The following CXCR5 variants were observed in gnomAD, a reference collection of about 807,000 sequenced individuals.
The protein encoded by CXCR5 is C-X-C chemokine receptor type 5.
CXCR5 carries 3 observed loss-of-function variants against 5.6 expected under a neutral mutation model. The observed-to-expected ratio is 0.54, with a 90% CI of 0.24 to 1.39. The LOEUF is 1.39. Among genes scored for constraint, CXCR5 ranks in the 40% most tolerant of loss-of-function variants. CXCR5 has a pLI of 0.16. For missense variants in CXCR5, 333 were observed against 494.6 expected (o/e 0.67, Z 3.10); for synonymous variants, 218 against 219.9 (o/e 0.99, Z 0.08).
In CXCR5 at chr11:118,886,778, C is replaced by T. The variant is rs536631323; in HGVS notation, c.51+2786C>T. On this transcript the variant is annotated intron_variant, in intron 1 of 1. Transcript: ENST00000292174. Reference sequence around the variant, plus strand: ...CAGCCGGGAGGGGAAGCTGCTATAGCGCACGGTGAAGCTGGTCCAAGCCCC... The same window carrying T: ...CAGCCGGGAGGGGAAGCTGCTATAGTGCACGGTGAAGCTGGTCCAAGCCCC... 438 of 191,718 alleles carry T rather than the reference C, an allele frequency of 2.3e-3. 2 individuals are homozygous for T. The South Asian group carries it at 0.036, about 16-fold the overall frequency. 11.9% of individuals were successfully genotyped at this position (191,718 alleles called of 1,614,324 possible).
Position 118,893,923 on chromosome 11 carries a change from G to A in CXCR5, c.379G>A (p.Ala127Thr), listed in dbSNP as rs1689154429. The change falls in exon 2 of 2, where the codon GCC becomes ACC. Residue 127 changes from alanine to threonine, a missense_variant. Physicochemically the swap from Ala to Thr is moderately conservative, Grantham distance 58 (BLOSUM62 0). Transcript: ENST00000292174. This position sits in a 1 kb window ranked among gnomAD's most constrained non-coding sequence, Gnocchi z 5.7. ...GACCTTCCTCTGCAAAACTGTGATT[G>A]CCCTGCACAAAGTCAACTTCTACTG... ...LGTFLCKTVI[A>T]LHKVNFYCSS... 3.1e-6 allele frequency: 5 copies of A among 1,614,008 alleles called. No homozygotes were observed. Among genetic ancestry groups the A allele is most frequent in the Non-Finnish European group, 3.4e-6 (4 of 1,180,038 alleles).
In CXCR5 at chr11:118,895,635, C is replaced by G. The variant is rs1222892410; in HGVS notation, c.*972C>G. ...TCACTCCCTTCCCATAAGCTATAGA[C>G]CCGAGGAAACTCAGAGTCGGAACGG... On this transcript the variant is annotated 3_prime_UTR_variant, in exon 2 of 2. Transcript: ENST00000292174. This position sits in a 1 kb window ranked among gnomAD's most constrained non-coding sequence, Gnocchi z 4.2. The G allele has an allele frequency of 2.5e-5, 4 of 158,392 alleles. No homozygotes were observed. The highest frequency in any genetic ancestry group is 2.3e-4 in the Admixed American group (3 of 12,930). The allele number at this position is 158,392 out of a possible 1,614,324, so 9.8% of individuals were successfully genotyped here.
At chr11:118,886,519 G>A (rs1184371299) in intron 1 of CXCR5, 1 of 374,100 alleles carries the variant, frequency 2.7e-6, no homozygotes, top group Non-Finnish European at 5.2e-6. Flanking sequence ...TCAATGAAAG[G>A]TCCAAATAGA....
rs138759681 is a variant in CXCR5, at chr11:118,890,427, G to A, written c.52-3169G>A. Among the ~76,000 whole-genome samples the A allele has an allele frequency of 1.6e-3, 250 of 152,256 alleles. 1 individual carries two copies. Among genetic ancestry groups the A allele is most frequent in the African/African-American group, 5.6e-3 (231 of 41,536 alleles). On this transcript the variant is annotated intron_variant, in intron 1 of 1. Coordinates refer to ENST00000292174, the MANE Select transcript of CXCR5 (RefSeq NM_001716.5). Reference sequence around the variant, plus strand: ...TGTAATAAATGCACACGCATCATAAGGAGAAGAGAGAATTCCAAGAGGGGA... The same window carrying A: ...TGTAATAAATGCACACGCATCATAAAGAGAAGAGAGAATTCCAAGAGGGGA...
chr11:118,893,298 C>T lies in CXCR5; in HGVS notation c.52-298C>T. ...GCCGCCAAGGCTGCAGGCTTCCGTACATGAGGACCCAAAAACACAAGCTGA... is the reference window on the plus strand; with the variant it reads ...GCCGCCAAGGCTGCAGGCTTCCGTATATGAGGACCCAAAAACACAAGCTGA... On this transcript the variant is annotated intron_variant, in intron 1 of 1. Coordinates refer to ENST00000292174, the MANE Select transcript of CXCR5 (RefSeq NM_001716.5). The surrounding 1 kb of genome is among the most constrained non-coding windows in gnomAD (Gnocchi z 5.7). 1.3e-6 allele frequency: 1 copy of T among 743,360 alleles called. No homozygotes were observed. The highest frequency in any genetic ancestry group is 1.6e-6 in the Non-Finnish European group (1 of 609,394). The allele number at this position is 743,360 out of a possible 1,614,324, so 46.0% of individuals were successfully genotyped here. A position where few individuals can be genotyped will look rare whatever the true frequency, so the allele number is the denominator to read the frequency against.
At chr11:118,892,348 C>A (rs1237185650) in intron 1 of CXCR5, among the ~76,000 whole-genome samples, 1 of 152,180 alleles carries the variant, frequency 6.6e-6, no homozygotes, top group Non-Finnish European at 1.5e-5. Context: ...GTGTGACCAT[C>A]CCCTCCTTGT....
In CXCR5 at chr11:118,894,119, A is replaced by G. The variant is rs1426903517; in HGVS notation, c.575A>G (p.Gln192Arg). 6.2e-7 allele frequency: 1 copy of G among 1,613,942 alleles called. No individual in the cohort carries two copies. The highest frequency in any genetic ancestry group is 8.5e-7 in the Non-Finnish European group (1 of 1,180,040). The stretch of plus-strand genomic sequence containing the variant: ...GAGATTCTCTTCGCCAAAGTCAGCC[A>G]AGGCCATCACAACAACTCCCTGCCA... Reference protein sequence around the residue: ...LPEILFAKVSQGHHNNSLPRC... With the variant: ...LPEILFAKVSRGHHNNSLPRC... The change falls in exon 2 of 2, where the codon CAA (glutamine) becomes CGA (arginine). Residue 192 changes from glutamine to arginine, a missense_variant. Transcript: ENST00000292174. This position sits in a 1 kb window ranked among gnomAD's most constrained non-coding sequence, Gnocchi z 6.1.
Position 118,892,675 on chromosome 11 carries a change from G to T in CXCR5, c.52-921G>T, listed in dbSNP as rs532551505. ...CCTGAGTGCTGGGGTGATGGGGGGG[G>T]GGTGATGGGGAGAGGAAGAGGAGGA... On this transcript the variant is annotated intron_variant, in intron 1 of 1. Coordinates refer to ENST00000292174, the MANE Select transcript of CXCR5 (RefSeq NM_001716.5). Among the ~76,000 whole-genome samples the T allele has an allele frequency of 6.5e-4, 98 of 151,894 alleles. 3 individuals carry two copies. Among genetic ancestry groups the T allele is most frequent in the African/African-American group, 2.2e-3 (92 of 41,374 alleles).
At chr11:118,888,758 T>A (rs972034665) in intron 1 of CXCR5, among the ~76,000 whole-genome samples, 1 of 152,204 alleles carries the variant, frequency 6.6e-6, no homozygotes, top group Non-Finnish European at 1.5e-5. Flanking sequence ...TCTGGTTAGG[T>A]TGGACCCATG....
In CXCR5 at chr11:118,896,283, A is replaced by G. The variant is rs1368298663; in HGVS notation, c.*1620A>G. ...CTTCACATATTGTATTTATATATTTATATTTATATATATATTTATATAATG... is the reference window on the plus strand; with the variant it reads ...CTTCACATATTGTATTTATATATTTGTATTTATATATATATTTATATAATG... On this transcript the variant is annotated 3_prime_UTR_variant, in exon 2 of 2. Coordinates refer to ENST00000292174, the MANE Select transcript of CXCR5 (RefSeq NM_001716.5). 6.1e-6 allele frequency: 1 copy of G among 162,988 alleles called. No homozygotes were observed. Among genetic ancestry groups the G allele is most frequent in the Non-Finnish European group, 1.5e-5 (1 of 67,778 alleles). The allele number at this position is 162,988 out of a possible 1,614,324, so 10.1% of individuals were successfully genotyped here. A position where few individuals can be genotyped will look rare whatever the true frequency, so the allele number is the denominator to read the frequency against.
chr11:118,892,746 A>C (rs1180012169), intron 1 of CXCR5, among the ~76,000 whole-genome samples: 1 of 151,934 alleles, frequency 6.6e-6, no homozygotes, highest in Non-Finnish European at 1.5e-5. Context: ...CACCCCCTGC[A>C]CTTGGAGCAG....
Position 118,896,748 on chromosome 11 carries a change from G to C in CXCR5, c.*2085G>C, listed in dbSNP as rs1473618554. ...TGCAAGACCAGGCCCTCCAGGCCAGGAAGGCTAGGGACGGGTCCTGGTAGA... is the reference window on the plus strand; with the variant it reads ...TGCAAGACCAGGCCCTCCAGGCCAGCAAGGCTAGGGACGGGTCCTGGTAGA... On this transcript the variant is annotated 3_prime_UTR_variant, in exon 2 of 2. Transcript: ENST00000292174. The C allele has an allele frequency of 6.5e-6, 1 of 152,790 alleles. No individual in the cohort carries two copies. Among genetic ancestry groups the C allele is most frequent in the Admixed American group, 6.5e-5 (1 of 15,294 alleles). The allele number at this position is 152,790 out of a possible 1,614,324, so 9.5% of individuals were successfully genotyped here.
rs376355254 is a variant in CXCR5, at chr11:118,883,920, G to C, written c.-22G>C. On this transcript the variant is annotated 5_prime_UTR_variant, in exon 1 of 2. Transcript: ENST00000292174. Reference sequence around the variant, plus strand: ...TCAACATAAGACAGTGACCAGTCTGGTGACTCACAGCCGGCACAGCCATGA... The same window carrying C: ...TCAACATAAGACAGTGACCAGTCTGCTGACTCACAGCCGGCACAGCCATGA... 2 of 1,608,796 alleles carry C rather than the reference G, an allele frequency of 1.2e-6. No individual in the cohort carries two copies. The highest frequency in any genetic ancestry group is 1.7e-6 in the Non-Finnish European group (2 of 1,177,498).
Position 118,893,891 on chromosome 11 carries a change from T to C in CXCR5, c.347T>C (p.Val116Ala). The C allele has an allele frequency of 6.2e-7, 1 of 1,614,022 alleles. No individual in the cohort carries two copies. Among genetic ancestry groups the C allele is most frequent in the South Asian group, 1.1e-5 (1 of 91,072 alleles). Residue 116 changes from valine (V) to alanine (A), a missense_variant, in exon 2 of 2, where the codon GTC becomes GCC. Transcript: ENST00000292174. This position sits in a 1 kb window ranked among gnomAD's most constrained non-coding sequence, Gnocchi z 5.7. ...FAVAEGSVGWVLGTFLCKTVI... is the reference protein window; with the variant it reads ...FAVAEGSVGWALGTFLCKTVI... ...GTGGCCGAGGGCTCTGTGGGCTGGG[T>C]CCTGGGGACCTTCCTCTGCAAAACT...
intron 1 of CXCR5, among the ~76,000 whole-genome samples, chr11:118,891,398 A>G (rs1008409176): frequency 6.6e-6 from 1 of 151,954 alleles, no homozygotes; most frequent in African/African-American, 2.4e-5. Flanking sequence ...GGAGCGTAGC[A>G]GCATAATCAT....
Position 118,891,449 on chromosome 11 carries a change from C to T in CXCR5, c.52-2147C>T, listed in dbSNP as rs576967233. On this transcript the variant is annotated intron_variant, in intron 1 of 1. Coordinates refer to ENST00000292174, the MANE Select transcript of CXCR5 (RefSeq NM_001716.5). The stretch of plus-strand genomic sequence containing the variant: ...CAAATTCCCTGGCTCAAGTGATCCT[C>T]CCGCCTTGTCTTCCCAAAGTGCTGG... Among the ~76,000 whole-genome samples the T allele has an allele frequency of 1.3e-3, 202 of 152,278 alleles. No homozygotes were observed. The South Asian group carries it at 0.04, about 30-fold the overall frequency.
chr11:118,891,340 A>G (rs927524962), intron 1 of CXCR5, among the ~76,000 whole-genome samples: 55 of 151,912 alleles, frequency 3.6e-4, no homozygotes, highest in African/African-American at 1.1e-3. Context: ...GCTTACTCCA[A>G]TCATTTTCTT....
At position 118,894,435 on chromosome 11, in the gene CXCR5, T is replaced by C; in HGVS notation, c.891T>C (p.Asn297=). 6.2e-7 allele frequency: 1 copy of C among 1,614,178 alleles called. No homozygotes were observed. Among genetic ancestry groups the C allele is most frequent in the Non-Finnish European group, 8.5e-7 (1 of 1,180,028 alleles). The change falls in exon 2 of 2, where the codon AAT becomes AAC. Residue 297 remains asparagine, a synonymous_variant. Transcript: ENST00000292174. This position sits in a 1 kb window ranked among gnomAD's most constrained non-coding sequence, Gnocchi z 6.1. ...LKAVDNTCKL[N]GSLPVAITMC... ...CCGTGGACAATACCTGCAAGCTGAA[T>C]GGCTCTCTCCCCGTGGCCATCACCA...
At chr11:118,892,756 G>A (rs183668392) in intron 1 of CXCR5, among the ~76,000 whole-genome samples, 1 of 152,188 alleles carries the variant, frequency 6.6e-6, no homozygotes, top group East Asian at 1.9e-4. Context: ...ACTTGGAGCA[G>A]GCTCTCTCCT....
Sources: gnomAD v4.1 joint callset for allele counts (sites outside exome capture counted in the v4.1 genomes callset) on GRCh38, gnomAD v4.1.1 for gene constraint, Gnocchi (gnomAD v3.1) non-coding constraint, MANE v1.5 for transcripts, NCBI Gene and HGNC (gene_info 2026-07-23, HGNC 2026-07-21) for gene names.